Variants in AIDA observed in about 807,000 individuals in gnomAD.
The protein encoded by AIDA is axin interactor, dorsalization-associated protein.
AIDA carries 18 observed loss-of-function variants against 42.7 expected under a neutral mutation model. The ratio of observed to expected loss-of-function variants is 0.42; its 90% CI spans 0.29 to 0.63. The LOEUF is 0.63. AIDA is among the 20% of genes least tolerant of loss of function. The pLI, the probability that AIDA is intolerant of heterozygous loss-of-function variation, is 0.19. For synonymous variants in AIDA, 104 were observed against 122.9 expected (o/e 0.85, Z 1.02); for missense variants, 250 against 354.1 (o/e 0.71, Z 2.36).
At chr1:222,694,078 T>TTTA in intron 3 of AIDA, 132 bp downstream of exon 3, 1 of 895,510 alleles carries the variant, frequency 1.1e-6, no homozygotes, top group Non-Finnish European at 1.7e-6. Context: ...ACTAAAAAAG[T>TTTA]ATGAATTTAA....
Position 222,676,161 on chromosome 1 carries a change from A to G in AIDA, c.518T>C (p.Ile173Thr). ...AGCATCTTTCAAACCAATTTTCTCA[A>G]TTCTGATAGTGAGTAATGTCATTCC... ...EPGMTLLTIR[I>T]EKIGLKDAGQ... The change falls in exon 7 of 10, where the codon ATT becomes ACT. Residue 173 changes from isoleucine (I) to threonine (T), a missense_variant. Physicochemically the swap from Ile to Thr is moderately conservative, Grantham distance 89 (BLOSUM62 -1). Coordinates refer to ENST00000340020, the MANE Select transcript of AIDA (RefSeq NM_022831.4). 1 of 1,613,422 alleles carries G rather than the reference A, an allele frequency of 6.2e-7. No individual in the cohort carries two copies. The highest frequency in any genetic ancestry group is 8.5e-7 in the Non-Finnish European group (1 of 1,179,718).
intron 1 of AIDA, among the ~76,000 whole-genome samples, chr1:222,704,010 A>C: frequency 6.6e-6 from 1 of 152,240 alleles, no homozygotes; most frequent in Non-Finnish European, 1.5e-5. Flanking sequence ...TCTCCAAAGA[A>C]GACATAAAAT....
At position 222,689,339 on chromosome 1, in the gene AIDA, C is replaced by T. The variant is rs955422521; in HGVS notation, c.290-1681G>A. Among the ~76,000 whole-genome samples the T allele has an allele frequency of 4.6e-5, 7 of 150,960 alleles. No individual in the cohort carries two copies. The East Asian group carries it at 1.4e-3, about 30-fold the overall frequency. ...CCTGTAATTCCAGCTACTCCAGAGG[C>T]TGAGTCATGAGAATTGCTTGAACCC... On this transcript the variant is annotated intron_variant, in intron 4 of 9. Coordinates refer to ENST00000340020, the MANE Select transcript of AIDA (RefSeq NM_022831.4).
In AIDA at chr1:222,668,088, G is replaced by A. The variant is rs546028260; in HGVS notation, c.*1805C>T. On this transcript the variant is annotated 3_prime_UTR_variant, in exon 10 of 10. Transcript: ENST00000340020. The stretch of plus-strand genomic sequence containing the variant: ...AACTATACTTATGTGAAGGATAGCA[G>A]ATGCTTCATATAAATTATCATTTTG... 9 of 152,218 alleles carry A rather than the reference G, an allele frequency of 5.9e-5. No homozygotes were observed. In the East Asian group the frequency reaches 1.7e-3, roughly 29 times the overall value. The allele number at this position is 152,218 out of a possible 1,614,324, so 9.4% of individuals were successfully genotyped here. A position where few individuals can be genotyped will look rare whatever the true frequency, so the allele number is the denominator to read the frequency against.
At chr1:222,676,956 G>A (rs534395625) in intron 6 of AIDA, among the ~76,000 whole-genome samples, 10 of 149,514 alleles carry the variant, frequency 6.7e-5, no homozygotes, top group South Asian at 2.1e-4. Context: ...AAACCCATCC[G>A]TTGAAATTGC....
chr1:222,691,897 A>C (rs1373262271), intron 4 of AIDA, among the ~76,000 whole-genome samples: 2 of 152,224 alleles, frequency 1.3e-5, no homozygotes, highest in Non-Finnish European at 2.9e-5. Flanking sequence ...TTGTAATAGA[A>C]GAATTAAACA....
At chr1:222,674,356 A>T (rs1240710520) in intron 7 of AIDA, among the ~76,000 whole-genome samples, 1 of 152,188 alleles carries the variant, frequency 6.6e-6, no homozygotes, top group Non-Finnish European at 1.5e-5. Context: ...TTTATAGGGA[A>T]GAAGTGAAAA....
At chr1:222,678,742 C>T (rs1015396382) in intron 6 of AIDA, among the ~76,000 whole-genome samples, 3 of 152,056 alleles carry the variant, frequency 2.0e-5, no homozygotes, top group Non-Finnish European at 2.9e-5. Context: ...GTGATTAAGA[C>T]GACAGGTAAT....
intron 2 of AIDA, among the ~76,000 whole-genome samples, chr1:222,698,049 T>G (rs1264809521): frequency 6.6e-6 from 1 of 152,186 alleles, no homozygotes; most frequent in African/African-American, 2.4e-5. Context: ...AAGTCAGGAA[T>G]TCAGTGGAAT....
chr1:222,686,451 A>G (rs1655187624), intron 6 of AIDA, among the ~76,000 whole-genome samples: 1 of 152,180 alleles, frequency 6.6e-6, no homozygotes, highest in South Asian at 2.1e-4. Context: ...CCCCAATAAA[A>G]GCTTTGGGCA....
At chr1:222,675,452 T>C (rs1371673912) in intron 7 of AIDA, among the ~76,000 whole-genome samples, 4 of 152,188 alleles carry the variant, frequency 2.6e-5, no homozygotes, top group African/African-American at 4.8e-5. Flanking sequence ...CCACACTGGA[T>C]AGGAGAAAAA....
rs1396846003 is a variant in AIDA at position 222,669,236 on chromosome 1, AAAAC to A, written c.*653_*656del. 6.9e-6 allele frequency: 1 copy of A among 145,860 alleles called. No homozygotes were observed. Among genetic ancestry groups the A allele is most frequent in the Non-Finnish European group, 1.5e-5 (1 of 66,694 alleles). The allele number at this position is 145,860 out of a possible 1,614,324, so 9.0% of individuals were successfully genotyped here. A position where few individuals can be genotyped will look rare whatever the true frequency, so the allele number is the denominator to read the frequency against. On this transcript the variant is annotated 3_prime_UTR_variant, in exon 10 of 10. Coordinates refer to ENST00000340020, the MANE Select transcript of AIDA (RefSeq NM_022831.4). ...GACTAAAAATATGCTCATTTTCAGA[AAAAC>A]AATCTGGTCATCTGGAAACAATCAC...
At chr1:222,688,195 C>T (rs559175973) in intron 4 of AIDA, among the ~76,000 whole-genome samples, 24 of 152,168 alleles carry the variant, frequency 1.6e-4, no homozygotes, top group Admixed American at 6.5e-4. Flanking sequence ...AAGAATGATA[C>T]TCTGTTTCAA....
At chr1:222,681,449 A>G (rs1664650711) in intron 6 of AIDA, among the ~76,000 whole-genome samples, 2 of 152,196 alleles carry the variant, frequency 1.3e-5, no homozygotes, top group South Asian at 4.1e-4. Context: ...GGATTACCTG[A>G]GGTCAGGAGT....
intron 1 of AIDA, among the ~76,000 whole-genome samples, chr1:222,707,359 T>C (rs1355335102): frequency 6.6e-6 from 1 of 152,144 alleles, no homozygotes; most frequent in Admixed American, 6.5e-5. Flanking sequence ...GGTTTTGCCA[T>C]GTTGCCAAGG....
At chr1:222,697,768 T>C (rs1399509527) in intron 2 of AIDA, among the ~76,000 whole-genome samples, 4 of 152,016 alleles carry the variant, frequency 2.6e-5, no homozygotes, top group Admixed American at 2.6e-4. Flanking sequence ...AAGTAGAATA[T>C]TCTCACTTAA....
At chr1:222,707,691 C>T (rs1323872335) in intron 1 of AIDA, among the ~76,000 whole-genome samples, 3 of 152,148 alleles carry the variant, frequency 2.0e-5, no homozygotes, top group East Asian at 1.9e-4. Context: ...ACAAGTAAAA[C>T]GGGACTATTC....
chr1:222,687,117 G>A, intron 5 of AIDA, 81 bp from the exon 6 acceptor site: 1 of 1,544,176 alleles, frequency 6.5e-7, no homozygotes, highest in East Asian at 2.4e-5. Flanking sequence ...TCGTTTCCCA[G>A]GCAAGATGCT....
intron 2 of AIDA, among the ~76,000 whole-genome samples, chr1:222,702,762 T>A (rs1466283163): frequency 6.6e-6 from 1 of 152,176 alleles, no homozygotes; most frequent in Non-Finnish European, 1.5e-5. Flanking sequence ...AGTGCTGGGG[T>A]GGAATGCAAT....
Sources: gnomAD v4.1 joint callset for allele counts (sites outside exome capture counted in the v4.1 genomes callset) on GRCh38, gnomAD v4.1.1 for gene constraint, MANE v1.5 for transcripts, NCBI Gene and HGNC (gene_info 2026-07-23, HGNC 2026-07-21) for gene names.